The following WDR35 variants were observed in gnomAD, a reference collection of about 807,000 sequenced individuals.
The protein encoded by WDR35 is WD repeat-containing protein 35.
In WDR35, 118 loss-of-function variants were observed where a neutral mutation model predicts 158.3. The ratio of observed to expected loss-of-function variants is 0.75; its 90% confidence interval spans 0.64 to 0.87. WDR35 has a LOEUF of 0.87. WDR35 is among the 40% of genes least tolerant of loss of function. The pLI is 0.00. For synonymous variants in WDR35, 448 were observed against 476.1 expected (o/e 0.94, Z 0.77); for missense variants, 1,263 against 1,405.8 (o/e 0.90, Z 1.62).
intron 8 of WDR35, among the ~76,000 whole-genome samples, chr2:19,970,625 C>T (rs981348177): frequency 3.9e-5 from 6 of 152,212 alleles, no homozygotes; most frequent in Non-Finnish European, 8.8e-5. Flanking sequence ...GCATACAATG[C>T]CTTTTTCCCA....
intron 14 of WDR35, among the ~76,000 whole-genome samples, chr2:19,947,446 A>G (rs1430224693): frequency 6.6e-6 from 1 of 152,244 alleles, no homozygotes; most frequent in Non-Finnish European, 1.5e-5. Flanking sequence ...TTTTGTTTAC[A>G]TAATTCAAAT....
intron 13 of WDR35, among the ~76,000 whole-genome samples, chr2:19,950,286 A>C (rs1433780794): frequency 1.3e-5 from 2 of 152,174 alleles, no homozygotes; most frequent in African/African-American, 2.4e-5. Flanking sequence ...AAAATATTAA[A>C]TGTAATGTGT....
rs560096479 is a variant in WDR35 at position 19,977,512 on chromosome 2, T to G, written c.436+1239A>C. Among the ~76,000 whole-genome samples the G allele has an allele frequency of 3.3e-5, 5 of 152,286 alleles. No homozygotes were observed. In the South Asian group the frequency reaches 1.0e-3, roughly 32 times the overall value. ...ATGTATAAAATCTACTTACTTCCAT[T>G]CCCTTGTCATTACCTGGATGGCTAC... On this transcript the variant is annotated intron_variant, in intron 5 of 26. Coordinates refer to ENST00000281405, the MANE Select transcript of WDR35 (RefSeq NM_020779.4).
intron 11 of WDR35, among the ~76,000 whole-genome samples, chr2:19,954,554 T>C (rs1260926423): frequency 3.0e-4 from 46 of 152,168 alleles, no homozygotes; most frequent in African/African-American, 4.8e-5. Flanking sequence ...AAATGGCCAA[T>C]AAGCACATGA....
At position 19,910,298 on chromosome 2, in the gene WDR35, T is replaced by C. The variant is rs1174908368; in HGVS notation, c.*3260A>G. 6.6e-6 allele frequency: 1 copy of C among 152,244 alleles called. No individual in the cohort carries two copies. The highest frequency in any genetic ancestry group is 6.5e-5 in the Admixed American group (1 of 15,284). The allele number at this position is 152,244 out of a possible 1,614,324, so 9.4% of individuals were successfully genotyped here. On this transcript the variant is annotated 3_prime_UTR_variant, in exon 27 of 27. Coordinates refer to ENST00000281405, the MANE Select transcript of WDR35 (RefSeq NM_020779.4). ...CAATGTTTATTATTTTCGTATTTTT[T>C]CACTTAATACTACATAAAATCTAAG...
At chr2:19,978,939 T>C in intron 4 of WDR35, 60 bp from the exon 5 acceptor site, 1 of 1,602,274 alleles carries the variant, frequency 6.2e-7, no homozygotes, top group Non-Finnish European at 8.5e-7. Flanking sequence ...AAATAGTAGT[T>C]AAGAATTGAA....
chr2:19,938,006 T>G (rs78448729), intron 18 of WDR35, 60 bp from the exon 19 acceptor site: 6 of 1,575,252 alleles, frequency 3.8e-6, no homozygotes, highest in Non-Finnish European at 5.2e-6. Flanking sequence ...CAAACTAGTC[T>G]TGAATCACAA....
chr2:19,975,755 CT>C, intron 5 of WDR35, 92 bp from the exon 6 acceptor site: 1 of 1,535,414 alleles, frequency 6.5e-7, no homozygotes, highest in Non-Finnish European at 9.0e-7. Flanking sequence ...CTCACAAATT[CT>C]TCACAGCATT....
In WDR35 at chr2:19,941,044, C is replaced by T. The variant is rs117418837; in HGVS notation, c.1926+715G>A. Among the ~76,000 whole-genome samples the T allele has an allele frequency of 2.2e-3, 330 of 152,236 alleles. 10 individuals carry two copies. In the East Asian group the frequency reaches 0.051, roughly 23 times the overall value. ...ACATATCAAACCCAAATATGATTTA[C>T]ATATCAAACCCAAACCTGTTCCAAA... is the stretch of plus-strand genomic sequence containing the variant. On this transcript the variant is annotated intron_variant, in intron 17 of 26. Coordinates refer to ENST00000281405, the MANE Select transcript of WDR35 (RefSeq NM_020779.4).
intron 17 of WDR35, 102 bp from the exon 18 acceptor site, chr2:19,938,503 A>C: frequency 2.1e-6 from 3 of 1,429,386 alleles, no homozygotes; most frequent in Non-Finnish European, 1.9e-6. Context: ...AAGAAAAAAA[A>C]CGGCATCATA....
chr2:19,941,102 T>C (rs1163383253), intron 17 of WDR35, among the ~76,000 whole-genome samples: 1 of 152,160 alleles, frequency 6.6e-6, no homozygotes, highest in Non-Finnish European at 1.5e-5. Flanking sequence ...TTAAATCTAC[T>C]ATCTCAATTC....
chr2:19,938,019 C>G (rs760944291), intron 18 of WDR35, 73 bp from the exon 19 acceptor site: 3 of 1,537,022 alleles, frequency 2.0e-6, no homozygotes, highest in Admixed American at 1.7e-5. Context: ...AATCACAATT[C>G]AATTATCATT....
rs1451605998 is a variant in WDR35, at chr2:19,934,027, C to A, written c.2548-516G>T. On this transcript the variant is annotated intron_variant, in intron 21 of 26. Coordinates refer to ENST00000281405, the MANE Select transcript of WDR35 (RefSeq NM_020779.4). This position sits in a 1 kb window ranked among gnomAD's most constrained non-coding sequence, Gnocchi z 4.6. ...GAAAGTGGTGGCAGCGAGGAAGAAC[C>A]ACCACCACCACCACCACCACCACCA... Among the ~76,000 whole-genome samples the A allele has an allele frequency of 6.3e-5, 7 of 111,592 alleles. No homozygotes were observed. 73.2% of individuals were successfully genotyped at this position (111,592 alleles called of 152,430 possible).
intron 25 of WDR35, among the ~76,000 whole-genome samples, chr2:19,921,800 A>G: frequency 6.6e-6 from 1 of 152,236 alleles, no homozygotes; most frequent in East Asian, 1.9e-4. Flanking sequence ...CAACCTACAG[A>G]AAATTTTTGC....
chr2:19,916,618 G>A (rs1049060496), intron 25 of WDR35, among the ~76,000 whole-genome samples: 5 of 152,196 alleles, frequency 3.3e-5, no homozygotes, highest in South Asian at 2.1e-4. Context: ...AAACAAAGCC[G>A]CTGGGAAGTT....
intron 16 of WDR35, among the ~76,000 whole-genome samples, chr2:19,944,716 T>A (rs1670992389): frequency 6.6e-6 from 1 of 152,062 alleles, no homozygotes; most frequent in African/African-American, 2.4e-5. Context: ...TGCAAAAGCT[T>A]TAACAGAGCC....
intron 2 of WDR35, among the ~76,000 whole-genome samples, chr2:19,984,060 CA>C (rs1264413956): frequency 7.2e-6 from 1 of 139,318 alleles, no homozygotes; most frequent in Non-Finnish European, 1.5e-5. Flanking sequence ...CACACACCCA[CA>C]TATTCTGATG....
chr2:19,960,056 CT>C (rs1414010946), intron 11 of WDR35, among the ~76,000 whole-genome samples: 1 of 151,948 alleles, frequency 6.6e-6, no homozygotes, highest in Non-Finnish European at 1.5e-5. Context: ...AAAACTGTCC[CT>C]ATTAATAGAC....
chr2:19,940,791 C>G (rs1000578900), intron 17 of WDR35, among the ~76,000 whole-genome samples: 12 of 152,166 alleles, frequency 7.9e-5, no homozygotes, highest in Non-Finnish European at 1.8e-4. Flanking sequence ...ACAAAAACAC[C>G]CTCAAGCCAG....
Sources: allele counts gnomAD v4.1 joint callset (sites outside exome capture counted in the v4.1 genomes callset), GRCh38; gene constraint gnomAD v4.1.1; non-coding constraint Gnocchi (gnomAD v3.1); transcripts MANE v1.5; gene names NCBI Gene and HGNC (gene_info 2026-07-23, HGNC 2026-07-21).